CDH2: variants seen among roughly 807,000 people sequenced by gnomAD.
The protein encoded by CDH2 is cadherin-2.
Under a neutral mutation model 92.0 loss-of-function variants are expected in CDH2, and 17 were observed. The observed-to-expected ratio is 0.18, with a 90% CI of 0.13 to 0.28. CDH2 has a LOEUF of 0.28. Among genes scored for constraint, CDH2 ranks in the 10% least tolerant of loss-of-function variants. CDH2 has a pLI of 1.00. For missense variants in CDH2, 862 were observed against 1,133.1 expected, an observed-to-expected ratio of 0.76 and a Z score of 3.44; for synonymous variants, 419 against 415.9, an observed-to-expected ratio of 1.01 and a Z score of -0.09.
At chr18:27,991,595 A>G (rs1485823399) in intron 9 of CDH2, among the ~76,000 whole-genome samples, 1 of 152,202 alleles carries the variant, frequency 6.6e-6, no homozygotes, top group Non-Finnish European at 1.5e-5. Context: ...ACTATGACTA[A>G]CATACTGTTA....
chr18:27,933,106 T>C (rs973438101), exon 7 of CDH2, among the ~76,000 whole-genome samples: 5 of 151,984 alleles, frequency 3.3e-5, no homozygotes, highest in African/African-American at 1.2e-4. Context: ...AGGTGTAAGC[T>C]CTCTATGGGC....
intron 2 of CDH2, among the ~76,000 whole-genome samples, chr18:28,112,531 A>G (rs1228421): frequency 0.82 from 124,736 of 152,164 alleles, 51,374 homozygotes; most frequent in African/African-American, 0.86. Context: ...CTTCAAACGC[A>G]CTTAAAATAA....
intron 2 of CDH2, among the ~76,000 whole-genome samples, chr18:28,070,829 G>A (rs1396306222): frequency 1.3e-5 from 2 of 152,142 alleles, no homozygotes; most frequent in Non-Finnish European, 2.9e-5. Flanking sequence ...GTCACACCAC[G>A]AATCATGAGC....
intron 2 of CDH2, among the ~76,000 whole-genome samples, chr18:28,032,091 T>C (rs773469208): frequency 6.6e-6 from 1 of 152,168 alleles, no homozygotes. Context: ...AACCATAACA[T>C]GTAGCTATGG....
intron 9 of CDH2, 100 bp from the exon 10 acceptor site, chr18:27,990,450 T>G: frequency 9.2e-7 from 1 of 1,089,508 alleles, no homozygotes. Context: ...AATTAATTTC[T>G]TCATTCACTA....
chr18:28,154,063 T>G (rs1225556930), intron 1 of CDH2, among the ~76,000 whole-genome samples: 3 of 152,182 alleles, frequency 2.0e-5, no homozygotes, highest in Admixed American at 2.0e-4. Context: ...GCCCTTATCT[T>G]TACCTCTGGA....
chr18:28,037,415 T>C (rs2013856337), intron 2 of CDH2, among the ~76,000 whole-genome samples: 1 of 152,096 alleles, frequency 6.6e-6, no homozygotes, highest in Admixed American at 6.6e-5. Flanking sequence ...TTTTTAAACA[T>C]CCCCCTTTTA....
At chr18:28,020,414 G>T (rs547284942) in intron 2 of CDH2, among the ~76,000 whole-genome samples, 1 of 151,892 alleles carries the variant, frequency 6.6e-6, no homozygotes, top group East Asian at 1.9e-4. Flanking sequence ...TACATGGGAC[G>T]TGCTTTATTT....
At chr18:27,981,906 T>C (rs779795730) in intron 14 of CDH2, among the ~76,000 whole-genome samples, 6 of 152,202 alleles carry the variant, frequency 3.9e-5, no homozygotes, top group African/African-American at 1.4e-4. Flanking sequence ...AACTATCAAA[T>C]GTATCTAAGA....
At chr18:28,145,448 CA>C (rs1383443703) in intron 2 of CDH2, among the ~76,000 whole-genome samples, 1 of 151,946 alleles carries the variant, frequency 6.6e-6, no homozygotes, top group Non-Finnish European at 1.5e-5. Flanking sequence ...TCAGCTGTGG[CA>C]AATATACAGT....
intron 1 of CDH2, among the ~76,000 whole-genome samples, chr18:28,157,073 G>A (rs1317866098): frequency 6.6e-6 from 1 of 152,154 alleles, no homozygotes; most frequent in African/African-American, 2.4e-5. Context: ...AGATTTAATT[G>A]GCAGGTAAAA....
At chr18:28,083,772 T>C (rs1004471153) in intron 2 of CDH2, among the ~76,000 whole-genome samples, 1 of 152,224 alleles carries the variant, frequency 6.6e-6, no homozygotes, top group Non-Finnish European at 1.5e-5. Context: ...TTCATGTTTT[T>C]CTGCTGAGGC....
chr18:28,026,535 A>G (rs2013558575), intron 2 of CDH2, among the ~76,000 whole-genome samples: 1 of 152,136 alleles, frequency 6.6e-6, no homozygotes, highest in African/African-American at 2.4e-5. Flanking sequence ...TAGAACAACC[A>G]TAGCCTGACA....
intron 2 of CDH2, among the ~76,000 whole-genome samples, chr18:28,032,819 C>T (rs754934998): frequency 6.6e-6 from 1 of 151,982 alleles, no homozygotes; most frequent in Non-Finnish European, 1.5e-5. Flanking sequence ...TCCATTTTAG[C>T]ACCAAGGGAA....
chr18:28,028,519 C>T lies in CDH2; in HGVS notation c.173-14610G>A, dbSNP rs112469237. Among the ~76,000 whole-genome samples the T allele has an allele frequency of 2.8e-3, 419 of 152,082 alleles. 3 individuals are homozygous for T. The highest frequency in any genetic ancestry group is 9.7e-3 in the African/African-American group (404 of 41,528). Reference sequence around the variant, plus strand: ...AAGATTTCATCCTAAATACTTAATACAATTTAAGAAGTGCTTATTCTTTAG... The same window carrying T: ...AAGATTTCATCCTAAATACTTAATATAATTTAAGAAGTGCTTATTCTTTAG... On this transcript the variant is annotated intron_variant, in intron 2 of 15. Coordinates refer to ENST00000269141, the MANE Select transcript of CDH2 (RefSeq NM_001792.5).
intron 5 of CDH2, among the ~76,000 whole-genome samples, chr18:28,006,230 C>G (rs187507090): frequency 9.7e-4 from 148 of 152,198 alleles, no homozygotes; most frequent in Admixed American, 3.3e-3. Context: ...GATTTTAACT[C>G]CTTTAATTCA....
rs1341353877 is a variant in CDH2 at position 28,068,983 on chromosome 18, C to T, written c.173-55074G>A. 3.3e-5 allele frequency among the ~76,000 whole-genome samples: 5 copies of T among 152,114 alleles called. No homozygotes were observed. The East Asian group carries it at 7.7e-4, about 23-fold the overall frequency. On this transcript the variant is annotated intron_variant, in intron 2 of 15. Transcript: ENST00000269141. ...GGAAAACAGAAAAACACAATGTTGT[C>T]ACATATTATACAGGGGCCATATTCC...
intron 15 of CDH2, among the ~76,000 whole-genome samples, chr18:27,958,020 T>C (rs746707327): frequency 2.0e-5 from 3 of 152,116 alleles, no homozygotes; most frequent in Admixed American, 6.5e-5. Flanking sequence ...ATTTTTACTA[T>C]GTGACAAGCA....
chr18:28,111,049 T>G (rs1187088270), intron 2 of CDH2, among the ~76,000 whole-genome samples: 1 of 152,174 alleles, frequency 6.6e-6, no homozygotes, highest in African/African-American at 2.4e-5. Flanking sequence ...AAGATGGGCC[T>G]TCTTGCTCAG....
Sources: allele counts gnomAD v4.1 joint callset (sites outside exome capture counted in the v4.1 genomes callset), GRCh38; gene constraint gnomAD v4.1.1; transcripts MANE v1.5; gene names NCBI Gene and HGNC (gene_info 2026-07-23, HGNC 2026-07-21).